Variants in ZC3H3 observed in about 807,000 individuals in gnomAD.
The protein encoded by ZC3H3 is zinc finger CCCH domain-containing protein 3.
A neutral mutation model predicts 77.3 loss-of-function variants in ZC3H3; 36 were observed. The ratio of observed to expected loss-of-function variants is 0.47; its 90% CI spans 0.36 to 0.61. ZC3H3 has a LOEUF of 0.61. Ranked by LOEUF, ZC3H3 falls within the 20% of genes least tolerant of loss-of-function variation. The probability of loss-of-function intolerance (pLI) is 0.00; values close to 1 mark genes in which losing one functional copy is unlikely to be tolerated. For missense variants in ZC3H3, 1,331 were observed against 1,312.2 expected, an observed-to-expected ratio of 1.01 and a Z score of -0.22; for synonymous variants, 626 against 555.2, an observed-to-expected ratio of 1.13 and a Z score of -1.79.
intron 10 of ZC3H3, 47 bp from the exon 11 acceptor site, chr8:143,440,410 G>T: frequency 6.7e-7 from 1 of 1,490,858 alleles, no homozygotes. Flanking sequence ...TGACGGGTGG[G>T]GATCCCAGCG....
intron 3 of ZC3H3, among the ~76,000 whole-genome samples, chr8:143,528,083 C>G (rs563803869): frequency 6.6e-6 from 1 of 152,326 alleles, no homozygotes; most frequent in African/African-American, 2.4e-5. Context: ...TCGCTGGGGC[C>G]AGGGGAGAGT....
At chr8:143,449,354 C>A (rs1819932301) in intron 9 of ZC3H3, among the ~76,000 whole-genome samples, 1 of 152,194 alleles carries the variant, frequency 6.6e-6, no homozygotes, top group Admixed American at 6.6e-5. Context: ...GAGGTCATTT[C>A]TTTGCTCACA....
At chr8:143,500,696 C>T (rs1821498738) in intron 4 of ZC3H3, among the ~76,000 whole-genome samples, 1 of 152,220 alleles carries the variant, frequency 6.6e-6, no homozygotes, top group Admixed American at 6.5e-5. Flanking sequence ...ATGCCACACC[C>T]TGCCTTTCTG....
chr8:143,535,084 G>A (rs1202838984), intron 3 of ZC3H3, among the ~76,000 whole-genome samples: 1 of 151,646 alleles, frequency 6.6e-6, no homozygotes, highest in Non-Finnish European at 1.5e-5. Context: ...TCGTTCTGTC[G>A]CCCAGACTGG....
At chr8:143,537,012 G>A (rs1439484996) in intron 2 of ZC3H3, among the ~76,000 whole-genome samples, 1 of 151,994 alleles carries the variant, frequency 6.6e-6, no homozygotes, top group Non-Finnish European at 1.5e-5. Context: ...TGGGGGACGA[G>A]GGCCAGAGAG....
At chr8:143,480,718 T>C (rs964617173) in intron 4 of ZC3H3, among the ~76,000 whole-genome samples, 2 of 152,182 alleles carry the variant, frequency 1.3e-5, no homozygotes, top group African/African-American at 4.8e-5. Context: ...CCCTTTCAGG[T>C]CCTGCTCCCT....
intron 4 of ZC3H3, among the ~76,000 whole-genome samples, chr8:143,483,649 G>A (rs532573538): frequency 6.6e-6 from 1 of 152,316 alleles, no homozygotes; most frequent in Non-Finnish European, 1.5e-5. Flanking sequence ...AATGCTCAAG[G>A]GCCTGTGGCT....
chr8:143,539,110 G>C lies in ZC3H3; in HGVS notation c.257C>G (p.Pro86Arg), dbSNP rs746459534. ...CGGCCGCACAGCATGGTCGGCAGGA[G>C]GGTCTGAGGGTCCCGGGGGCCGATT... ...LVNRPPGPSDPPADHAVRPLH... is the reference protein window; with the variant it reads ...LVNRPPGPSDRPADHAVRPLH... Residue 86 changes from proline to arginine, a missense_variant, in exon 2 of 12, where the codon CCT (proline) becomes CGT (arginine). Around this residue, in one of 3 missense-constraint regions of ZC3H3, gnomAD observed 978 missense variants for 915.5 expected, o/e 1.07. Coordinates refer to ENST00000262577, the MANE Select transcript of ZC3H3 (RefSeq NM_015117.3). 13 of 1,612,886 alleles carry C rather than the reference G, an allele frequency of 8.1e-6. No homozygotes were observed. The South Asian group carries it at 1.2e-4, about 15-fold the overall frequency.
chr8:143,531,431 G>A (rs1164192244), intron 3 of ZC3H3, among the ~76,000 whole-genome samples: 2 of 152,232 alleles, frequency 1.3e-5, no homozygotes, highest in Admixed American at 1.3e-4. Flanking sequence ...TCGGAGGGCC[G>A]GGAGAGGCAG....
rs752922321 is a variant in ZC3H3, at chr8:143,538,655, G to A, written c.712C>T (p.Arg238Cys). 48 of 1,608,478 alleles carry A rather than the reference G, an allele frequency of 3.0e-5. No individual in the cohort carries two copies. The East Asian group carries it at 7.6e-4, about 25-fold the overall frequency. The change falls in exon 2 of 12, where the codon CGC becomes TGC. Residue 238 changes from arginine (R) to cysteine (C), a missense_variant. Physicochemically the swap from Arg to Cys is radical, Grantham distance 180. Around this residue, in one of 3 missense-constraint regions of ZC3H3, gnomAD observed 978 missense variants for 915.5 expected, o/e 1.07. Coordinates refer to ENST00000262577, the MANE Select transcript of ZC3H3 (RefSeq NM_015117.3). Reference protein sequence around the residue: ...ASFPSSALPPRTGVALGRKLG... With the variant: ...ASFPSSALPPCTGVALGRKLG... ...TTCCGGCCCAGGGCCACGCCAGTGCGTGGGGGCAGAGCGGAGGATGGGAAG... is the reference window on the plus strand; with the variant it reads ...TTCCGGCCCAGGGCCACGCCAGTGCATGGGGGCAGAGCGGAGGATGGGAAG...
rs780001989 is a variant in ZC3H3, at chr8:143,468,316, GC to G, written c.2106-39del. ...GAGAAACGGGTATGAGGAAGGGCCG[GC>G]AGGGACCAAGGGCAGGGCCCTGCAC... On this transcript the variant is annotated intron_variant, in intron 7 of 11. Coordinates refer to ENST00000262577, the MANE Select transcript of ZC3H3 (RefSeq NM_015117.3). 5 of 1,612,094 alleles carry G rather than the reference GC, an allele frequency of 3.1e-6. No individual in the cohort carries two copies. In the African/African-American group the frequency reaches 6.7e-5, roughly 22 times the overall value.
At chr8:143,528,347 G>A (rs1019623452) in intron 3 of ZC3H3, among the ~76,000 whole-genome samples, 3 of 152,326 alleles carry the variant, frequency 2.0e-5, no homozygotes, top group South Asian at 2.1e-4. Context: ...TGGGGCCAGC[G>A]GCCACGCCTC....
At chr8:143,468,575 G>A (rs1820478052) in intron 6 of ZC3H3, 35 bp from the exon 7 acceptor site, 2 of 1,593,784 alleles carry the variant, frequency 1.3e-6, no homozygotes, top group Admixed American at 3.5e-5. Context: ...GAGCCTGAGG[G>A]CGAGCAGGGA....
rs767172768 is a variant in ZC3H3, at chr8:143,441,058, G to A, written c.2370C>T (p.Gly790=). ...TACGGTGGAGCAGCTGGCACTGGGC[G>A]CCGCGGGGACACGCCCCCCTGCGGG... ...DFARRGACPR[G]AQCQLLHRTQ... is the part of the protein sequence containing the mutation. The change falls in exon 10 of 12, where the codon GGC becomes GGT. Residue 790 remains glycine, a synonymous_variant. Coordinates refer to ENST00000262577, the MANE Select transcript of ZC3H3 (RefSeq NM_015117.3). 27 of 1,477,884 alleles carry A rather than the reference G, an allele frequency of 1.8e-5. No individual in the cohort carries two copies. In the Middle Eastern group the frequency reaches 5.3e-4, roughly 29 times the overall value. The allele number at this position is 1,477,884 out of a possible 1,614,324, so 91.5% of individuals were successfully genotyped here. A position where few individuals can be genotyped will look rare whatever the true frequency, so the allele number is the denominator to read the frequency against.
chr8:143,520,576 C>T (rs1822210288), intron 3 of ZC3H3, among the ~76,000 whole-genome samples: 1 of 152,226 alleles, frequency 6.6e-6, no homozygotes, highest in South Asian at 2.1e-4. Context: ...ACCCCGAGAT[C>T]ACCCAGCCTT....
At chr8:143,531,420 T>C (rs1026798170) in intron 3 of ZC3H3, among the ~76,000 whole-genome samples, 13 of 152,178 alleles carry the variant, frequency 8.5e-5, no homozygotes, top group African/African-American at 3.1e-4. Flanking sequence ...CCCAGAGGAC[T>C]TCGGAGGGCC....
chr8:143,470,277 G>A (rs1820527372), intron 5 of ZC3H3, among the ~76,000 whole-genome samples: 1 of 152,366 alleles, frequency 6.6e-6, no homozygotes, highest in South Asian at 2.1e-4. Flanking sequence ...GAGCTGAGTG[G>A]CCAGCGAGCC....
rs972772388 is a variant in ZC3H3 at position 143,533,368 on chromosome 8, G to A, written c.1561+2889C>T. Among the ~76,000 whole-genome samples the A allele has an allele frequency of 2.0e-5, 3 of 151,954 alleles. No homozygotes were observed. The highest frequency in any genetic ancestry group is 4.8e-5 in the African/African-American group (2 of 41,374). The stretch of plus-strand genomic sequence containing the variant: ...CCTCCTCAGAGAAGCCCTCCCACTC[G>A]CCAACCACCTCTCTGCAGCTGGCCC... On this transcript the variant is annotated intron_variant, in intron 3 of 11. Transcript: ENST00000262577. This position sits in a 1 kb window ranked among gnomAD's most constrained non-coding sequence, Gnocchi z 4.0.
chr8:143,499,867 G>A (rs572325504), intron 4 of ZC3H3, among the ~76,000 whole-genome samples: 2 of 152,290 alleles, frequency 1.3e-5, no homozygotes, highest in East Asian at 3.9e-4. Context: ...CCCTGGAAAC[G>A]TGCCCTGGAG....
Sources: gnomAD v4.1 joint callset for allele counts (sites outside exome capture counted in the v4.1 genomes callset) on GRCh38, gnomAD v4.1.1 for gene constraint, gnomAD v4.1.1 regional missense constraint, Gnocchi (gnomAD v3.1) non-coding constraint, MANE v1.5 for transcripts, NCBI Gene and HGNC (gene_info 2026-07-23, HGNC 2026-07-21) for gene names.